Variants in SLC6A5 observed in about 807,000 individuals in gnomAD.
SLC6A5 encodes solute carrier family 6 member 5, also known as sodium- and chloride-dependent glycine transporter 2.
In SLC6A5, 58 loss-of-function variants were observed where a neutral mutation model predicts 90.5. The observed-to-expected ratio is 0.64, with a 90% CI of 0.52 to 0.80. SLC6A5 has a LOEUF of 0.80. SLC6A5 is among the 30% of genes least tolerant of loss of function. The pLI is 0.00. For missense variants in SLC6A5, 1,015 were observed against 1,017.6 expected, an observed-to-expected ratio of 1.00 and a Z score of 0.03; for synonymous variants, 427 against 401.4, an observed-to-expected ratio of 1.06 and a Z score of -0.76.
chr11:20,600,162 G>A (rs557366078), intron 1 of SLC6A5, among the ~76,000 whole-genome samples: 34 of 152,216 alleles, frequency 2.2e-4, no homozygotes, highest in Non-Finnish European at 4.6e-4. Context: ...AGCCGTGAAA[G>A]ATAACACGAG....
Position 20,604,301 on chromosome 11 carries a change from G to T in SLC6A5, c.556G>T (p.Asp186Tyr). The T allele has an allele frequency of 1.2e-6, 2 of 1,612,644 alleles. No individual in the cohort carries two copies. Among genetic ancestry groups the T allele is most frequent in the Non-Finnish European group, 1.7e-6 (2 of 1,178,972 alleles). ...TVATQEDEQG[D>Y]ENKARGNWSS... ...CCGCCCCCAGGAGGACGAGCAAGGG[G>T]ATGAGAATAAGGCCCGAGGGAACTG... Residue 186 changes from aspartate (D) to tyrosine (Y), a missense_variant, in exon 3 of 16, where the codon GAT becomes TAT. By Grantham distance (160) the Asp-to-Tyr change is radical. Transcript: ENST00000525748.
At chr11:20,626,944 T>C in intron 8 of SLC6A5, 102 bp downstream of exon 8, 1 of 939,192 alleles carries the variant, frequency 1.1e-6, no homozygotes, top group East Asian at 2.4e-5. Flanking sequence ...TCCCAGTGTG[T>C]GCTTTTATAA....
chr11:20,614,883 T>C, intron 6 of SLC6A5, 63 bp downstream of exon 6: 1 of 1,494,666 alleles, frequency 6.7e-7, no homozygotes, highest in Admixed American at 1.7e-5. Context: ...TAATAAATAT[T>C]CAATTTGCAG....
At chr11:20,615,526 C>G (rs965280731) in intron 6 of SLC6A5, among the ~76,000 whole-genome samples, 3 of 152,102 alleles carry the variant, frequency 2.0e-5, no homozygotes, top group Admixed American at 2.0e-4. Flanking sequence ...TGCCACCATG[C>G]TCGGCTAATT....
At chr11:20,615,515 G>A (rs565605580) in intron 6 of SLC6A5, among the ~76,000 whole-genome samples, 8 of 152,014 alleles carry the variant, frequency 5.3e-5, no homozygotes, top group Admixed American at 1.3e-4. Flanking sequence ...CTACAGGCGC[G>A]TGCCACCATG....
intron 5 of SLC6A5, among the ~76,000 whole-genome samples, chr11:20,609,504 A>G (rs1435776751): frequency 6.6e-6 from 1 of 152,156 alleles, no homozygotes; most frequent in Admixed American, 6.5e-5. Flanking sequence ...TGCTGGACAA[A>G]TCAGGAGTCT....
rs1006489200 is a variant in SLC6A5, at chr11:20,652,378, A to G, written c.2160A>G (p.Leu720=). ...ACTGGTCCATGGTGCTCGGATGGCT[A>G]ATGCTCGCCTGTTCCGTCATCTGGA... ...YPNWSMVLGW[L]MLACSVIWIP... Residue 720 remains leucine (L), a synonymous_variant, in exon 15 of 16, where the codon CTA becomes CTG. Coordinates refer to ENST00000525748, the MANE Select transcript of SLC6A5 (RefSeq NM_004211.5). 1 of 1,614,062 alleles carries G rather than the reference A, an allele frequency of 6.2e-7. No individual in the cohort carries two copies. Among genetic ancestry groups the G allele is most frequent in the Non-Finnish European group, 8.5e-7 (1 of 1,179,960 alleles).
chr11:20,601,936 C>A (rs1318831764), intron 2 of SLC6A5, among the ~76,000 whole-genome samples: 1 of 152,224 alleles, frequency 6.6e-6, no homozygotes, highest in Non-Finnish European at 1.5e-5. Flanking sequence ...TCCAGATCCA[C>A]GAAAGAGTTG....
chr11:20,600,819 G>A (rs905451949), intron 1 of SLC6A5, among the ~76,000 whole-genome samples: 2 of 152,174 alleles, frequency 1.3e-5, no homozygotes, highest in Admixed American at 6.5e-5. Context: ...CAAAGAGGGA[G>A]GGGAGCTCAT....
Position 20,655,122 on chromosome 11 carries a change from A to C in SLC6A5, c.*254A>C, listed in dbSNP as rs1242762993. ...CTGGTCAGGTTGGTCCCCTGACCAC[A>C]CGTTTTACCCTGCAGAGGAGGATCA... is the stretch of plus-strand genomic sequence containing the variant. On this transcript the variant is annotated 3_prime_UTR_variant, in exon 16 of 16. Coordinates refer to ENST00000525748, the MANE Select transcript of SLC6A5 (RefSeq NM_004211.5). 4 of 499,224 alleles carry C rather than the reference A, an allele frequency of 8.0e-6. No individual in the cohort carries two copies. The highest frequency in any genetic ancestry group is 1.5e-5 in the Non-Finnish European group (4 of 267,666). The allele number at this position is 499,224 out of a possible 1,614,324, so 30.9% of individuals were successfully genotyped here.
intron 8 of SLC6A5, among the ~76,000 whole-genome samples, chr11:20,627,445 G>A (rs1010494802): frequency 1.3e-5 from 2 of 152,152 alleles, no homozygotes; most frequent in Non-Finnish European, 2.9e-5. Context: ...AGATTGCATA[G>A]CTAGGATTGA....
intron 7 of SLC6A5, among the ~76,000 whole-genome samples, chr11:20,621,110 A>T (rs1443647754): frequency 6.6e-6 from 1 of 151,654 alleles, no homozygotes; most frequent in East Asian, 1.9e-4. Flanking sequence ...GCTGGCCTAG[A>T]CTTTTTCTAA....
chr11:20,638,148 G>C (rs1418169371), intron 12 of SLC6A5, among the ~76,000 whole-genome samples: 2 of 152,178 alleles, frequency 1.3e-5, no homozygotes, highest in African/African-American at 4.8e-5. Context: ...AAGCAATCTG[G>C]CTGCTTTCAC....
chr11:20,624,342 G>A (rs1181192661), intron 7 of SLC6A5, among the ~76,000 whole-genome samples: 1 of 151,878 alleles, frequency 6.6e-6, no homozygotes, highest in Non-Finnish European at 1.5e-5. Flanking sequence ...TTGTGGAGAT[G>A]GGGTTTCACT....
At chr11:20,629,365 A>G (rs1853064035) in intron 9 of SLC6A5, among the ~76,000 whole-genome samples, 1 of 152,102 alleles carries the variant, frequency 6.6e-6, no homozygotes, top group Non-Finnish European at 1.5e-5. Flanking sequence ...GGAGCCGACC[A>G]AGGCCCCATC....
intron 5 of SLC6A5, among the ~76,000 whole-genome samples, chr11:20,608,952 CTCTCTCTGTGTGTGTGTGTG>C (rs1852640566): frequency 2.2e-4 from 21 of 94,416 alleles, no homozygotes; most frequent in African/African-American, 7.9e-4. Context: ...CTCTCTCTCT[CTCTCTCTGTGTGTGTGTGTG>C]TGTGTGTGTG....
intron 2 of SLC6A5, among the ~76,000 whole-genome samples, chr11:20,602,215 T>C (rs1852493926): frequency 6.6e-6 from 1 of 152,170 alleles, no homozygotes; most frequent in Non-Finnish European, 1.5e-5. Context: ...TTGGGGCCTG[T>C]CCTTTGCCTG....
chr11:20,658,969 AATAAAC>A lies in SLC6A5; in HGVS notation c.*4105_*4110del, dbSNP rs1320789502. The A allele has an allele frequency of 6.6e-5, 10 of 151,840 alleles. No homozygotes were observed. The highest frequency in any genetic ancestry group is 6.6e-4 in the Admixed American group (10 of 15,248). 9.4% of individuals were successfully genotyped at this position (151,840 alleles called of 1,614,324 possible). ...TCTTTTGTGGGTACTGTTGCCCATG[AATAAAC>A]ATATGTTCCCTAATCAGGTCCTTAT... On this transcript the variant is annotated 3_prime_UTR_variant, in exon 16 of 16. Transcript: ENST00000525748.
intron 6 of SLC6A5, among the ~76,000 whole-genome samples, chr11:20,616,408 G>T (rs1351901160): frequency 1.3e-5 from 2 of 152,168 alleles, no homozygotes; most frequent in Admixed American, 1.3e-4. Flanking sequence ...GTACTAAAAA[G>T]TGATTTGCAA....
Sources: allele counts gnomAD v4.1 joint callset (sites outside exome capture counted in the v4.1 genomes callset), GRCh38; gene constraint gnomAD v4.1.1; transcripts MANE v1.5; gene names NCBI Gene and HGNC (gene_info 2026-07-23, HGNC 2026-07-21).